Variants in KCNMA1 observed in about 807,000 individuals in gnomAD.
KCNMA1 encodes the protein Calcium-activated potassium channel subunit alpha-1.
KCNMA1 carries 29 observed loss-of-function variants against 140.0 expected under a neutral mutation model. The observed-to-expected ratio is 0.21, with a 90% CI of 0.15 to 0.28. The LOEUF (loss-of-function observed/expected upper bound fraction) is 0.28. Ranked by LOEUF, KCNMA1 falls within the 10% of genes least tolerant of loss-of-function variation. The probability of loss-of-function intolerance (pLI) is 1.00; values close to 1 mark genes in which losing one functional copy is unlikely to be tolerated. For synonymous variants in KCNMA1, 612 were observed against 611.9 expected, an observed-to-expected ratio of 1.00 and a Z score of 0.00; for missense variants, 880 against 1,602.2, an observed-to-expected ratio of 0.55 and a Z score of 7.70.
At chr10:77,091,365 A>G (rs900084176) in intron 9 of KCNMA1, 4 of 152,292 alleles carry the variant, frequency 2.6e-5, no homozygotes, top group Non-Finnish European at 5.9e-5. Flanking sequence ...GATGAGCCCC[A>G]CAACTGTTGA....
intron 1 of KCNMA1, among the ~76,000 whole-genome samples, chr10:77,615,611 G>A (rs936570934): frequency 4.6e-5 from 7 of 152,118 alleles, no homozygotes; most frequent in East Asian, 3.9e-4. Context: ...CTGACATCTC[G>A]TACTGCAAAA....
chr10:77,145,807 G>A (rs1401292407), intron 5 of KCNMA1, among the ~76,000 whole-genome samples: 1 of 152,156 alleles, frequency 6.6e-6, no homozygotes, highest in Non-Finnish European at 1.5e-5. Flanking sequence ...AAAAGAGACG[G>A]AATCTGGGCC....
At chr10:77,382,990 G>GTATATA (rs1401181000) in intron 2 of KCNMA1, among the ~76,000 whole-genome samples, 10 of 42,596 alleles carry the variant, frequency 2.3e-4, no homozygotes, top group African/African-American at 1.6e-3. Context: ...GTGTGTGTGT[G>GTATATA]TGTGTATATA....
intron 1 of KCNMA1, among the ~76,000 whole-genome samples, chr10:77,605,530 A>T (rs1312706122): frequency 1.3e-5 from 2 of 151,866 alleles, no homozygotes; most frequent in Non-Finnish European, 2.9e-5. Context: ...GGGCCTGGAG[A>T]CCTCCCAGCC....
At chr10:77,171,438 TG>T (rs2098707650) in intron 5 of KCNMA1, among the ~76,000 whole-genome samples, 6 of 142,060 alleles carry the variant, frequency 4.2e-5, no homozygotes. Flanking sequence ...TGTGTGTGTG[TG>T]TGTTGAAGTT....
At chr10:77,485,376 T>C (rs1176145592) in intron 1 of KCNMA1, among the ~76,000 whole-genome samples, 1 of 152,240 alleles carries the variant, frequency 6.6e-6, no homozygotes, top group East Asian at 1.9e-4. Flanking sequence ...TAGAATTCAC[T>C]GTTCCCGTTT....
At chr10:77,241,513 T>G (rs1042498413) in intron 3 of KCNMA1, among the ~76,000 whole-genome samples, 6 of 151,942 alleles carry the variant, frequency 3.9e-5, no homozygotes, top group Non-Finnish European at 8.8e-5. Context: ...CTGGGCATGA[T>G]GGTGCCCAGC....
intron 2 of KCNMA1, among the ~76,000 whole-genome samples, chr10:77,275,124 C>G (rs777796981): frequency 2.0e-5 from 3 of 152,172 alleles, no homozygotes; most frequent in Non-Finnish European, 4.4e-5. Flanking sequence ...GGATCAACCA[C>G]ACAGAAGGCA....
intron 1 of KCNMA1, among the ~76,000 whole-genome samples, chr10:77,629,199 T>C (rs2092901416): frequency 6.6e-6 from 1 of 152,192 alleles, no homozygotes; most frequent in African/African-American, 2.4e-5. Context: ...TTAGACACAA[T>C]GTCCCAAGAC....
At position 76,920,051 on chromosome 10, in the gene KCNMA1, TAC is replaced by T. The variant is rs1239365177; in HGVS notation, c.2903-5004_2903-5003del. 4.3e-3 allele frequency among the ~76,000 whole-genome samples: 498 copies of T among 116,638 alleles called. 45 individuals carry two copies. The highest frequency in any genetic ancestry group is 0.014 in the South Asian group (51 of 3,558). 76.5% of individuals were successfully genotyped at this position (116,638 alleles called of 152,430 possible). On this transcript the variant is annotated intron_variant, in intron 23 of 27. Coordinates refer to ENST00000286628, the MANE Select transcript of KCNMA1 (RefSeq NM_001161352.2). ...ATATATATATATATATATATATATA[TAC>T]ACACAATATTCCTTATGTGATCATA... is the stretch of plus-strand genomic sequence containing the variant.
intron 5 of KCNMA1, among the ~76,000 whole-genome samples, chr10:77,132,729 TCA>T (rs1324189936): frequency 6.6e-6 from 1 of 152,142 alleles, no homozygotes; most frequent in Non-Finnish European, 1.5e-5. Flanking sequence ...CAAATTATTG[TCA>T]CAATTCTCCT....
At chr10:77,068,619 C>T (rs1371275706) in intron 14 of KCNMA1, among the ~76,000 whole-genome samples, 1 of 150,934 alleles carries the variant, frequency 6.6e-6, no homozygotes, top group African/African-American at 2.4e-5. Context: ...ACTAGAAATA[C>T]ATAACATATT....
chr10:77,609,941 T>C (rs1603638432), intron 1 of KCNMA1, among the ~76,000 whole-genome samples: 1 of 152,262 alleles, frequency 6.6e-6, no homozygotes, highest in East Asian at 1.9e-4. Flanking sequence ...GATGTCTGTG[T>C]GGGAGGAACC....
At chr10:77,072,991 G>C in intron 14 of KCNMA1, 106 bp downstream of exon 14, 1 of 1,059,718 alleles carries the variant, frequency 9.4e-7, no homozygotes, top group Non-Finnish European at 1.5e-6. Flanking sequence ...CTTAACCCAA[G>C]TGGTTAGAGC....
At chr10:76,910,320 A>G (rs1185852590) in intron 24 of KCNMA1, 1 of 530,062 alleles carries the variant, frequency 1.9e-6, no homozygotes, top group Non-Finnish European at 3.5e-6. Context: ...AATAAGTTCA[A>G]GCAGGCTTGC....
At chr10:77,133,580 CAT>C (rs2097910554) in intron 5 of KCNMA1, among the ~76,000 whole-genome samples, 1 of 150,840 alleles carries the variant, frequency 6.6e-6, no homozygotes, top group Non-Finnish European at 1.5e-5. Flanking sequence ...AGTAATATCT[CAT>C]ATTGATAAAA....
intron 1 of KCNMA1, among the ~76,000 whole-genome samples, chr10:77,443,297 C>T (rs2097450147): frequency 6.6e-6 from 1 of 152,170 alleles, no homozygotes; most frequent in South Asian, 2.1e-4. Flanking sequence ...TGTCTAGAAG[C>T]CCTGCATTCA....
chr10:77,269,837 C>T (rs572890250), intron 2 of KCNMA1, among the ~76,000 whole-genome samples: 2 of 152,094 alleles, frequency 1.3e-5, no homozygotes, highest in African/African-American at 4.8e-5. Context: ...TGGAGGAGCC[C>T]CATCTCCCCT....
chr10:77,587,983 G>C (rs1278904456), intron 1 of KCNMA1: 1 of 480,540 alleles, frequency 2.1e-6, no homozygotes, highest in Non-Finnish European at 2.7e-6. Context: ...TCTATTTTAA[G>C]TTAGTCTTCC....
Sources: allele counts gnomAD v4.1 joint callset (sites outside exome capture counted in the v4.1 genomes callset), GRCh38; gene constraint gnomAD v4.1.1; transcripts MANE v1.5; gene names NCBI Gene and HGNC (gene_info 2026-07-23, HGNC 2026-07-21).